DCLRE1B: variants seen among roughly 807,000 people sequenced by gnomAD.
The protein encoded by DCLRE1B is 5' exonuclease Apollo.
Under a neutral mutation model 19.8 loss-of-function variants are expected in DCLRE1B, and 6 were observed. The ratio of observed to expected loss-of-function variants is 0.30; its 90% CI spans 0.17 to 0.60. DCLRE1B has a LOEUF of 0.60. Ranked by LOEUF, DCLRE1B falls within the 20% of genes least tolerant of loss-of-function variation. The pLI is 0.87. For missense variants in DCLRE1B, 622 were observed against 654.2 expected (o/e 0.95, Z 0.54); for synonymous variants, 258 against 255.7 (o/e 1.01, Z -0.09).
rs1669317020 is a variant in DCLRE1B at position 113,912,829 on chromosome 1, C to T, written c.*638C>T. 6.6e-6 allele frequency: 1 copy of T among 152,344 alleles called. No homozygotes were observed. The highest frequency in any genetic ancestry group is 2.1e-4 in the South Asian group (1 of 4,824). 9.4% of individuals were successfully genotyped at this position (152,344 alleles called of 1,614,324 possible). On this transcript the variant is annotated 3_prime_UTR_variant, in exon 4 of 4. Coordinates refer to ENST00000650450, the MANE Select transcript of DCLRE1B (RefSeq NM_022836.4). ...GTGAAAATTCTACCTCTATGTCCTT[C>T]ATGAGGATGTGCAGTATCCCAGTAT...
chr1:113,906,941 G>C (rs892305824), intron 1 of DCLRE1B, 55 bp from the exon 2 acceptor site: 12 of 1,595,094 alleles, frequency 7.5e-6, no homozygotes, highest in African/African-American at 1.3e-5. Flanking sequence ...TCCCTGACCC[G>C]GGGAGGTAAC....
At chr1:113,904,910 G>A (rs561405964), upstream of DCLRE1B, 12 of 602,232 alleles carry the variant, frequency 2.0e-5, no homozygotes, top group South Asian at 1.4e-4. Flanking sequence ...CCGCGACACC[G>A]CGAGCCCCAC....
chr1:113,906,879 G>A, intron 1 of DCLRE1B, 117 bp from the exon 2 acceptor site: 4 of 1,119,460 alleles, frequency 3.6e-6, no homozygotes, highest in East Asian at 2.4e-5. Context: ...TACAGCTTCT[G>A]CTCCCGGTGG....
chr1:113,907,118 C>T lies in DCLRE1B; in HGVS notation c.312C>T (p.Val104=), dbSNP rs1457168931. Residue 104 remains valine, a synonymous_variant, in exon 2 of 4, where the codon GTC becomes GTT. Coordinates refer to ENST00000650450, the MANE Select transcript of DCLRE1B (RefSeq NM_022836.4). Reference sequence around the variant, plus strand: ...ATGCCAATCACTGTCCTGGTTCTGTCATGTTTCTCTTTGAAGGATATTTTG... The same window carrying T: ...ATGCCAATCACTGTCCTGGTTCTGTTATGTTTCTCTTTGAAGGATATTTTG... ...LLDANHCPGS[V]MFLFEGYFGT... The T allele has an allele frequency of 6.3e-7, 1 of 1,590,614 alleles. No homozygotes were observed. The highest frequency in any genetic ancestry group is 8.6e-7 in the Non-Finnish European group (1 of 1,166,532).
upstream of DCLRE1B, chr1:113,905,310 C>T: frequency 2.2e-6 from 1 of 464,218 alleles, no homozygotes; most frequent in Non-Finnish European, 3.8e-6. Flanking sequence ...TGGCCTGTCT[C>T]CTCCCTGCAG....
At chr1:113,907,884 C>T (rs1467390904) in intron 2 of DCLRE1B, 125 bp from the exon 3 acceptor site, 3 of 1,039,112 alleles carry the variant, frequency 2.9e-6, no homozygotes, top group African/African-American at 1.6e-5. Flanking sequence ...TAGTTCAGTG[C>T]CAGGCTACAT....
chr1:113,912,232 C>T lies in DCLRE1B; in HGVS notation c.*41C>T. The T allele has an allele frequency of 6.5e-7, 1 of 1,541,180 alleles. No homozygotes were observed. The highest frequency in any genetic ancestry group is 1.2e-5 in the South Asian group (1 of 81,352). On this transcript the variant is annotated 3_prime_UTR_variant, in exon 4 of 4. Transcript: ENST00000650450. ...GAATGACAACATTGAGCCCACACTG[C>T]AGTTTTGAAGATAGTAACTGATGGC...
Position 113,905,536 on chromosome 1 carries a change from G to T in DCLRE1B, c.-51G>T. Reference sequence around the variant, plus strand: ...ACGCCGTTGTGGAAGCCTCACGCAGGAGCCCTGCCCCCGTGGAGAAGATCC... The same window carrying T: ...ACGCCGTTGTGGAAGCCTCACGCAGTAGCCCTGCCCCCGTGGAGAAGATCC... On this transcript the variant is annotated 5_prime_UTR_variant, in exon 1 of 4. Coordinates refer to ENST00000650450, the MANE Select transcript of DCLRE1B (RefSeq NM_022836.4). The T allele has an allele frequency of 6.3e-7, 1 of 1,585,816 alleles. No homozygotes were observed. The highest frequency in any genetic ancestry group is 1.1e-5 in the South Asian group (1 of 89,470).
chr1:113,907,365 C>T (rs1471221638), intron 2 of DCLRE1B, among the ~76,000 whole-genome samples: 1 of 151,922 alleles, frequency 6.6e-6, no homozygotes, highest in East Asian at 1.9e-4. Flanking sequence ...GCAGACTTTT[C>T]TTGAGCAGCC....
intron 3 of DCLRE1B, 115 bp downstream of exon 3, chr1:113,908,306 C>A: frequency 7.2e-7 from 1 of 1,394,790 alleles, no homozygotes; most frequent in Non-Finnish European, 9.6e-7. Flanking sequence ...CACTGACCAC[C>A]TTATTTAAAA....
chr1:113,904,698 T>A (rs1271710076), upstream of DCLRE1B: 2 of 1,612,464 alleles, frequency 1.2e-6, no homozygotes, highest in Middle Eastern at 2.1e-4. Flanking sequence ...CACCACGTCC[T>A]CGGAGCCAAG....
rs754369069 is a variant in DCLRE1B at position 113,911,909 on chromosome 1, TGAG to T, written c.1321_1323del (p.Glu441del). 1.9e-5 allele frequency: 30 copies of T among 1,614,054 alleles called. No individual in the cohort carries two copies. In the South Asian group the frequency reaches 2.7e-4, roughly 15 times the overall value. ...TTTCAGTGCACTTAAGGTCTACAGA[TGAG>T]GAGTTTATTTCTCAAAAAACCAGGG... is the stretch of plus-strand genomic sequence containing the variant. On this transcript the variant is annotated inframe_deletion, in exon 4 of 4. Coordinates refer to ENST00000650450, the MANE Select transcript of DCLRE1B (RefSeq NM_022836.4).
chr1:113,906,689 T>C (rs577654725), intron 1 of DCLRE1B, among the ~76,000 whole-genome samples: 3 of 151,240 alleles, frequency 2.0e-5, no homozygotes, highest in Non-Finnish European at 4.4e-5. Flanking sequence ...GAGACGGGGT[T>C]TCACCGTGTT....
rs1242019671 is a variant in DCLRE1B, at chr1:113,906,993, C to T, written c.190-3C>T. The T allele has an allele frequency of 6.2e-7, 1 of 1,613,634 alleles. No individual in the cohort carries two copies. Among genetic ancestry groups the T allele is most frequent in the East Asian group, 2.2e-5 (1 of 44,886 alleles). On this transcript the variant is annotated splice_polypyrimidine_tract_variant and splice_region_variant and intron_variant, in intron 1 of 3. Transcript: ENST00000650450. ...TCACTGGGATGACTAACTGTTTTCT[C>T]AGGTATCTAAGCAATGGATCCAAGC...
rs1315467545 is a variant in DCLRE1B, at chr1:113,913,992, CAT to C, written c.*1802_*1803del. The C allele has an allele frequency of 6.6e-6, 1 of 152,154 alleles. No homozygotes were observed. Among genetic ancestry groups the C allele is most frequent in the Non-Finnish European group, 1.5e-5 (1 of 68,028 alleles). The allele number at this position is 152,154 out of a possible 1,614,324, so 9.4% of individuals were successfully genotyped here. On this transcript the variant is annotated 3_prime_UTR_variant, in exon 4 of 4. Transcript: ENST00000650450. ...TTTTAATATTTGTATAATACCCTAT[CAT>C]GTGAGTATACCTTAACTAAGCCATT...
At chr1:113,905,315 C>T (rs1054833220), upstream of DCLRE1B, 5 of 478,822 alleles carry the variant, frequency 1.0e-5, no homozygotes, top group South Asian at 5.2e-5. Flanking sequence ...TGTCTCCTCC[C>T]TGCAGCGCGC....
chr1:113,909,283 A>G (rs1669163698), intron 3 of DCLRE1B, among the ~76,000 whole-genome samples: 1 of 152,212 alleles, frequency 6.6e-6, no homozygotes, highest in African/African-American at 2.4e-5. Context: ...TGCTTGTTGT[A>G]CTGATTATAA....
intron 1 of DCLRE1B, 70 bp from the exon 2 acceptor site, chr1:113,906,926 G>T (rs1375302522): frequency 6.4e-7 from 1 of 1,562,700 alleles, no homozygotes; most frequent in East Asian, 2.2e-5. Flanking sequence ...TCATGTAAGG[G>T]ATAGTCCCTG....
At position 113,908,040 on chromosome 1, in the gene DCLRE1B, G is replaced by A. The variant is rs370105181; in HGVS notation, c.387G>A (p.Lys129=). 6.2e-7 allele frequency: 1 copy of A among 1,614,076 alleles called. No individual in the cohort carries two copies. The highest frequency in any genetic ancestry group is 1.3e-5 in the African/African-American group (1 of 75,000). Residue 129 remains lysine, a synonymous_variant, in exon 3 of 4, where the codon AAG becomes AAA. Coordinates refer to ENST00000650450, the MANE Select transcript of DCLRE1B (RefSeq NM_022836.4). ...GDFRYTPSML[K]EPALTLGKQI... ...TTCGATACACACCATCCATGCTAAA[G>A]GAGCCAGCCCTGACACTGGGGAAAC... is the stretch of plus-strand genomic sequence containing the variant.
Sources: gnomAD v4.1 joint callset for allele counts (sites outside exome capture counted in the v4.1 genomes callset) on GRCh38, gnomAD v4.1.1 for gene constraint, MANE v1.5 for transcripts, NCBI Gene and HGNC (gene_info 2026-07-23, HGNC 2026-07-21) for gene names.